Variants in KSR1 observed in about 807,000 individuals in gnomAD.
The protein encoded by KSR1 is kinase suppressor of ras.
Under a neutral mutation model 92.9 loss-of-function variants are expected in KSR1, and 35 were observed. The ratio of observed to expected loss-of-function variants is 0.38; its 90% CI spans 0.29 to 0.50. The LOEUF is 0.50. Among genes scored for constraint, KSR1 ranks in the 20% least tolerant of loss-of-function variants. The pLI is 0.94. For synonymous variants in KSR1, 467 were observed against 472.6 expected, an observed-to-expected ratio of 0.99 and a Z score of 0.15; for missense variants, 972 against 1,158.5, an observed-to-expected ratio of 0.84 and a Z score of 2.34.
At chr17:27,560,726 G>A (rs1376316970) in intron 2 of KSR1, among the ~76,000 whole-genome samples, 1 of 152,176 alleles carries the variant, frequency 6.6e-6, no homozygotes, top group Non-Finnish European at 1.5e-5. Context: ...AGCTTGAGTC[G>A]GCATGACTAT....
At chr17:27,550,817 T>G in intron 2 of KSR1, 109 bp downstream of exon 2, 2 of 642,872 alleles carry the variant, frequency 3.1e-6, no homozygotes, top group Non-Finnish European at 5.7e-6. Flanking sequence ...GGGTTGATGC[T>G]CTCTAGTCTT....
chr17:27,586,265 TG>T (rs1202959631), intron 5 of KSR1, among the ~76,000 whole-genome samples: 1 of 152,198 alleles, frequency 6.6e-6, no homozygotes, highest in Non-Finnish European at 1.5e-5. Context: ...GTGGCTATGC[TG>T]TGGGGCCTCT....
In KSR1 at chr17:27,605,518, C is replaced by T. The variant is rs779116900; in HGVS notation, c.1699C>T (p.Arg567Trp). The T allele has an allele frequency of 2.6e-5, 41 of 1,599,084 alleles. No homozygotes were observed. The highest frequency in any genetic ancestry group is 2.8e-5 in the Non-Finnish European group (33 of 1,173,842). ...DDLPSSRRPWRGPISRKASQT... is the reference protein window; with the variant it reads ...DDLPSSRRPWWGPISRKASQT... ...CTTGCCGAGCTCTCGCCGGCCCTGGCGGGGCCCCATCTCTCGCAAGGCCAG... is the reference window on the plus strand; with the variant it reads ...CTTGCCGAGCTCTCGCCGGCCCTGGTGGGGCCCCATCTCTCGCAAGGCCAG... The change falls in exon 14 of 21, where the codon CGG becomes TGG. Residue 567 changes from arginine (R) to tryptophan (W), a missense_variant. Arg to Trp is a moderately radical substitution (Grantham distance 101, BLOSUM62 -3). Transcript: ENST00000644974.
intron 1 of KSR1, among the ~76,000 whole-genome samples, chr17:27,469,993 A>AGTGTGTGTGT (rs145390989): frequency 1.4e-4 from 19 of 139,650 alleles, no homozygotes; most frequent in African/African-American, 3.0e-4. Context: ...ATGGAGATGG[A>AGTGTGTGTGT]GTGTGTGTGT....
intron 1 of KSR1, among the ~76,000 whole-genome samples, chr17:27,474,968 G>A (rs2068295200): frequency 6.6e-6 from 1 of 152,190 alleles, no homozygotes; most frequent in Admixed American, 6.5e-5. Context: ...TAAAAGTGCT[G>A]TGGAGAAAAT....
In KSR1 at chr17:27,559,671, G is replaced by C. The variant is rs1007789971; in HGVS notation, c.372+8963G>C. Among the ~76,000 whole-genome samples the C allele has an allele frequency of 5.9e-5, 9 of 152,246 alleles. No homozygotes were observed. The highest frequency in any genetic ancestry group is 1.2e-4 in the Non-Finnish European group (8 of 68,044). ...AGGAAGTGAGAGCCCCAGATGCCCT[G>C]ATGGCTCCGGGATGGGATCTGTTGG... is the stretch of plus-strand genomic sequence containing the variant. On this transcript the variant is annotated intron_variant, in intron 2 of 20. Coordinates refer to ENST00000644974, the MANE Select transcript of KSR1 (RefSeq NM_001394583.1). This position sits in a 1 kb window ranked among gnomAD's most constrained non-coding sequence, Gnocchi z 4.2.
At chr17:27,525,968 G>C (rs1259497225) in intron 1 of KSR1, among the ~76,000 whole-genome samples, 1 of 117,362 alleles carries the variant, frequency 8.5e-6, no homozygotes, top group Non-Finnish European at 1.8e-5. Context: ...ATGGCATCCA[G>C]ATCTGTTCGG....
At chr17:27,605,896 G>A in intron 14 of KSR1, 83 bp downstream of exon 14, 1 of 1,543,514 alleles carries the variant, frequency 6.5e-7, no homozygotes, top group South Asian at 1.2e-5. Context: ...GGATGCCCTA[G>A]AGGGTGTGGA....
At chr17:27,609,871 C>A in intron 16 of KSR1, 196 bp from the exon 17 acceptor site, 1 of 565,494 alleles carries the variant, frequency 1.8e-6, no homozygotes, top group Non-Finnish European at 3.0e-6. Context: ...TAGAAACAAC[C>A]GGTCATGACT....
chr17:27,587,596 A>C (rs561596700), intron 5 of KSR1: 1 of 152,312 alleles, frequency 6.6e-6, no homozygotes, highest in Admixed American at 6.5e-5. Flanking sequence ...ATTCTACTGA[A>C]CCAGTCCAGA....
chr17:27,572,815 G>A (rs1215359443), intron 2 of KSR1, among the ~76,000 whole-genome samples: 1 of 152,226 alleles, frequency 6.6e-6, no homozygotes, highest in East Asian at 1.9e-4. Flanking sequence ...GGTTTCGGGG[G>A]TGCTGAGTTG....
At chr17:27,526,249 A>G in intron 1 of KSR1, 1 of 575,826 alleles carries the variant, frequency 1.7e-6, no homozygotes, top group Non-Finnish European at 3.0e-6. Context: ...TGTTTCCCTG[A>G]AGGAATTCTT....
rs757217590 is a variant in KSR1 at position 27,583,037 on chromosome 17, C to T, written c.912C>T (p.Pro304=). Residue 304 remains proline (P), a synonymous_variant, in exon 4 of 21, where the codon CCC becomes CCT. Transcript: ENST00000644974. The part of the protein sequence containing the change: ...RKVFQLLPSF[P]TLTRSKSHES... The stretch of plus-strand genomic sequence containing the variant: ...TCTTCCAGCTGCTGCCCAGCTTCCC[C>T]ACACTCACCCGGAGCAAGTCCCATG... 94 of 1,608,982 alleles carry T rather than the reference C, an allele frequency of 5.8e-5. No homozygotes were observed. Among genetic ancestry groups the T allele is most frequent in the Non-Finnish European group, 1.1e-5 (13 of 1,178,062 alleles).
intron 1 of KSR1, among the ~76,000 whole-genome samples, chr17:27,528,901 C>A (rs1412468216): frequency 6.6e-6 from 1 of 151,984 alleles, no homozygotes; most frequent in Non-Finnish European, 1.5e-5. Context: ...GAGACCCTGT[C>A]TCTACTGGAA....
intron 1 of KSR1, among the ~76,000 whole-genome samples, chr17:27,499,705 A>C (rs1189885589): frequency 6.6e-6 from 1 of 152,218 alleles, no homozygotes; most frequent in African/African-American, 2.4e-5. Context: ...TGTGCTCCCC[A>C]CAGTGAAGAT....
chr17:27,458,930 GT>G (rs1004333024), intron 1 of KSR1, among the ~76,000 whole-genome samples: 1 of 152,218 alleles, frequency 6.6e-6, no homozygotes, highest in Non-Finnish European at 1.5e-5. Flanking sequence ...AATTCTCTAG[GT>G]TAGAGAAGGA....
chr17:27,487,589 A>T lies in KSR1; in HGVS notation c.231+30715A>T, dbSNP rs868482224. On this transcript the variant is annotated intron_variant, in intron 1 of 20. Transcript: ENST00000644974. ...CGTGGTGAAACCCCATCTCTTTTAA[A>T]AAAAAAAAAAAAAGGTTTATTTGGC... Among the ~76,000 whole-genome samples the T allele has an allele frequency of 2.6e-3, 379 of 145,560 alleles. 6 individuals carry two copies. The East Asian group carries it at 0.043, about 16-fold the overall frequency.
Position 27,579,753 on chromosome 17 carries a change from G to C in KSR1, c.520+2114G>C, listed in dbSNP as rs568465449. ...TAGCCAAGAGTGGTTGTGTGTGCCT[G>C]TAATCCCAGCTACTCAGGAAGCTGA... On this transcript the variant is annotated intron_variant, in intron 3 of 20. Transcript: ENST00000644974. The C allele has an allele frequency of 2.0e-5, 3 of 151,846 alleles. 1 individual carries two copies. In the South Asian group the frequency reaches 6.3e-4, roughly 32 times the overall value. The allele number at this position is 151,846 out of a possible 1,614,324, so 9.4% of individuals were successfully genotyped here. A position where few individuals can be genotyped will look rare whatever the true frequency, so the allele number is the denominator to read the frequency against.
intron 11 of KSR1, among the ~76,000 whole-genome samples, chr17:27,603,253 C>T (rs1436189902): frequency 6.6e-6 from 1 of 152,252 alleles, no homozygotes; most frequent in Non-Finnish European, 1.5e-5. Context: ...CTTCCTCTCC[C>T]CTGAGAGCTG....
Sources: gnomAD v4.1 joint callset for allele counts (sites outside exome capture counted in the v4.1 genomes callset) on GRCh38, gnomAD v4.1.1 for gene constraint, Gnocchi (gnomAD v3.1) non-coding constraint, MANE v1.5 for transcripts, NCBI Gene and HGNC (gene_info 2026-07-23, HGNC 2026-07-21) for gene names.